The following PRMT3 variants were observed in gnomAD, a reference collection of about 807,000 sequenced individuals.
PRMT3 encodes protein arginine N-methyltransferase 3.
A neutral mutation model predicts 71.9 loss-of-function variants in PRMT3; 62 were observed. The ratio of observed to expected loss-of-function variants is 0.86; its 90% CI spans 0.70 to 1.07. The LOEUF is 1.07. PRMT3 is among the 50% of genes least tolerant of loss of function. The pLI is 0.00. For missense variants in PRMT3, 663 were observed against 643.0 expected (o/e 1.03, Z -0.34); for synonymous variants, 213 against 220.4 (o/e 0.97, Z 0.30).
At chr11:20,479,813 A>G (rs903205759) in intron 13 of PRMT3, among the ~76,000 whole-genome samples, 1 of 152,206 alleles carries the variant, frequency 6.6e-6, no homozygotes, top group African/African-American at 2.4e-5. Flanking sequence ...CCTGTGTCTT[A>G]ACCATTTCCC....
intron 9 of PRMT3, among the ~76,000 whole-genome samples, chr11:20,420,230 C>T (rs1849396177): frequency 6.6e-6 from 1 of 152,096 alleles, no homozygotes; most frequent in Non-Finnish European, 1.5e-5. Context: ...TCTAGGAATG[C>T]AAAGTTGGTT....
intron 10 of PRMT3, among the ~76,000 whole-genome samples, chr11:20,450,980 G>A (rs1850134714): frequency 6.6e-6 from 1 of 152,174 alleles, no homozygotes. Context: ...GATGTACTAT[G>A]TGCTGAGCAC....
At chr11:20,493,822 A>G in intron 13 of PRMT3, 97 bp from the exon 14 acceptor site, 1 of 797,456 alleles carries the variant, frequency 1.3e-6, no homozygotes, top group Non-Finnish European at 2.0e-6. Context: ...AGTCTCTGAA[A>G]TGGTTTATCA....
chr11:20,441,266 TA>T (rs1157657989), intron 10 of PRMT3, among the ~76,000 whole-genome samples: 105 of 2,668 alleles, frequency 0.039, no homozygotes, highest in Admixed American at 0.14. Context: ...ACTAACTTTT[TA>T]TTTATTTATT....
intron 12 of PRMT3, among the ~76,000 whole-genome samples, chr11:20,463,828 A>G (rs1850443453): frequency 6.6e-6 from 1 of 152,202 alleles, no homozygotes; most frequent in South Asian, 2.1e-4. Context: ...TCTCCAAAGT[A>G]TAATGGAGAA....
At chr11:20,431,033 A>G (rs546370639) in intron 10 of PRMT3, among the ~76,000 whole-genome samples, 1 of 152,268 alleles carries the variant, frequency 6.6e-6, no homozygotes, top group African/African-American at 2.4e-5. Flanking sequence ...CCGACTCAGT[A>G]AGCCAAATTG....
rs760247274 is a variant in PRMT3 at position 20,395,801 on chromosome 11, A to C, written c.401-2A>C. ...GATAATAATGTCCATTTATTTCTTT[A>C]GATGTAGAAGATCTTTATGAACCGG... On this transcript the variant is annotated splice_acceptor_variant, in intron 5 of 15. Transcript: ENST00000331079. LOFTEE classifies it high-confidence loss of function. 1.2e-6 allele frequency: 2 copies of C among 1,607,592 alleles called. No individual in the cohort carries two copies. The highest frequency in any genetic ancestry group is 1.7e-5 in the Admixed American group (1 of 58,772).
chr11:20,452,234 A>T, intron 11 of PRMT3, 26 bp downstream of exon 11: 1 of 1,542,016 alleles, frequency 6.5e-7, no homozygotes, highest in Non-Finnish European at 9.0e-7. Flanking sequence ...TGGTTTTAAT[A>T]ATCTAATTTT....
rs11025577 is a variant in PRMT3, at chr11:20,480,629, T to G, written c.1348-13290T>G. On this transcript the variant is annotated intron_variant, in intron 13 of 15. Transcript: ENST00000331079. ...ACAAAGAGGAGACCACCAGAGTGGATGTGGGAGGCCAATATGTAGGTTATT... is the reference window on the plus strand; with the variant it reads ...ACAAAGAGGAGACCACCAGAGTGGAGGTGGGAGGCCAATATGTAGGTTATT... Among the ~76,000 whole-genome samples the G allele has an allele frequency of 1.6e-4, 24 of 152,226 alleles. No homozygotes were observed. The East Asian group carries it at 4.6e-3, about 29-fold the overall frequency.
At chr11:20,420,305 A>T (rs571377885) in intron 9 of PRMT3, among the ~76,000 whole-genome samples, 1 of 152,358 alleles carries the variant, frequency 6.6e-6, no homozygotes, top group South Asian at 2.1e-4. Context: ...AGTCTGATAA[A>T]ATTTAGTATC....
chr11:20,480,127 G>A (rs1172567105), intron 13 of PRMT3, among the ~76,000 whole-genome samples: 1 of 152,132 alleles, frequency 6.6e-6, no homozygotes, highest in African/African-American at 2.4e-5. Flanking sequence ...ATCTGGTCAT[G>A]GACATCAGAA....
intron 9 of PRMT3, among the ~76,000 whole-genome samples, chr11:20,422,042 G>GT (rs1849437922): frequency 6.6e-6 from 1 of 152,166 alleles, no homozygotes; most frequent in Admixed American, 6.5e-5. Flanking sequence ...CCCTCTTGCG[G>GT]TAGGTATGCT....
chr11:20,491,165 T>C (rs1851197166), intron 13 of PRMT3, among the ~76,000 whole-genome samples: 1 of 152,248 alleles, frequency 6.6e-6, no homozygotes, highest in Admixed American at 6.5e-5. Context: ...ATTATAATTT[T>C]CAATTGAAAA....
chr11:20,412,439 A>G (rs1271831728), intron 9 of PRMT3, among the ~76,000 whole-genome samples: 1 of 151,946 alleles, frequency 6.6e-6, no homozygotes, highest in African/African-American at 2.4e-5. Flanking sequence ...AGAGTTCCTT[A>G]AAAGGATTTT....
At chr11:20,399,441 G>A (rs1848901392) in intron 7 of PRMT3, among the ~76,000 whole-genome samples, 2 of 152,070 alleles carry the variant, frequency 1.3e-5, no homozygotes, top group Admixed American at 1.3e-4. Flanking sequence ...TAATAGATAT[G>A]TTATTATAAG....
At chr11:20,483,943 C>A (rs1245148740) in intron 13 of PRMT3, among the ~76,000 whole-genome samples, 1 of 152,156 alleles carries the variant, frequency 6.6e-6, no homozygotes, top group Non-Finnish European at 1.5e-5. Context: ...CATCTGATAG[C>A]AGTTTTGAGT....
Position 20,397,725 on chromosome 11 carries a change from A to G in PRMT3, c.705+4A>G, listed in dbSNP as rs1269920437. 6.2e-7 allele frequency: 1 copy of G among 1,613,292 alleles called. No individual in the cohort carries two copies. Among genetic ancestry groups the G allele is most frequent in the Non-Finnish European group, 8.5e-7 (1 of 1,179,710 alleles). ...GATACATGAAGAAATGCTAAAGGTT[A>G]GAAAAGAACACAAATGCGTCAAATC... is the stretch of plus-strand genomic sequence containing the variant. On this transcript the variant is annotated splice_donor_region_variant and intron_variant, in intron 7 of 15. Coordinates refer to ENST00000331079, the MANE Select transcript of PRMT3 (RefSeq NM_005788.4).
rs772456901 is a variant in PRMT3, at chr11:20,426,848, A to T, written c.976A>T (p.Ile326Phe). Residue 326 changes from isoleucine (I) to phenylalanine (F), a missense_variant, in exon 10 of 16, where the codon ATC becomes TTC. Ile to Phe is a conservative substitution (Grantham distance 21). Coordinates refer to ENST00000331079, the MANE Select transcript of PRMT3 (RefSeq NM_005788.4). ...TCTTCCTGTAGAAAAAGTAGATGTTATCATATCTGAGTGGATGGTGAGTGT... is the reference window on the plus strand; with the variant it reads ...TCTTCCTGTAGAAAAAGTAGATGTTTTCATATCTGAGTGGATGGTGAGTGT... ...VHLPVEKVDVIISEWMGYFLL... is the reference protein window; with the variant it reads ...VHLPVEKVDVFISEWMGYFLL... 2 of 1,530,492 alleles carry T rather than the reference A, an allele frequency of 1.3e-6. No individual in the cohort carries two copies. Among genetic ancestry groups the T allele is most frequent in the African/African-American group, 2.9e-5 (2 of 69,144 alleles). 94.8% of individuals were successfully genotyped at this position (1,530,492 alleles called of 1,614,324 possible). A position where few individuals can be genotyped will look rare whatever the true frequency, so the allele number is the denominator to read the frequency against.
intron 9 of PRMT3, among the ~76,000 whole-genome samples, chr11:20,423,829 A>ACACAACTG (rs1025331897): frequency 2.8e-5 from 4 of 141,100 alleles, no homozygotes; most frequent in African/African-American, 1.1e-4. Context: ...AGCCATGATC[A>ACACAACTG]CACAACTGCA....
Sources: gnomAD v4.1 joint callset for allele counts (sites outside exome capture counted in the v4.1 genomes callset) on GRCh38, gnomAD v4.1.1 for gene constraint, MANE v1.5 for transcripts, NCBI Gene and HGNC (gene_info 2026-07-23, HGNC 2026-07-21) for gene names.